Variants in MIA2 observed in about 807,000 individuals in gnomAD.
MIA2 encodes melanoma inhibitory activity protein 2.
Under a neutral mutation model 167.8 loss-of-function variants are expected in MIA2, and 127 were observed. The observed-to-expected ratio is 0.76, with a 90% CI of 0.66 to 0.88. The LOEUF is 0.88. Among genes scored for constraint, MIA2 ranks in the 40% least tolerant of loss-of-function variants. The pLI is 0.00. For missense variants in MIA2, 1,690 were observed against 1,624.7 expected (o/e 1.04, Z -0.69); for synonymous variants, 552 against 541.9 (o/e 1.02, Z -0.26).
chr14:39,286,694 T>C lies in MIA2; in HGVS notation c.2131-4325T>C, dbSNP rs1458122524. On this transcript the variant is annotated intron_variant, in intron 9 of 28. Transcript: ENST00000640607. ...CCTTATCCTTCTCTTCCTTCCTTCT[T>C]ACTTTTTTTTTTTTTTTGAGACAGG... is the stretch of plus-strand genomic sequence containing the variant. Among the ~76,000 whole-genome samples the C allele has an allele frequency of 9.2e-5, 4 of 43,504 alleles. No individual in the cohort carries two copies. The East Asian group carries it at 4.5e-3, about 49-fold the overall frequency. The allele number at this position is 43,504 out of a possible 152,430, so 28.5% of individuals were successfully genotyped here.
intron 10 of MIA2, among the ~76,000 whole-genome samples, chr14:39,291,961 C>T (rs2060797463): frequency 1.3e-5 from 2 of 152,142 alleles, no homozygotes; most frequent in African/African-American, 4.8e-5. Flanking sequence ...CTTTGATAAG[C>T]GTCTAGTACA....
intron 23 of MIA2, among the ~76,000 whole-genome samples, chr14:39,384,949 T>A (rs936529849): frequency 7.9e-5 from 12 of 152,216 alleles, no homozygotes; most frequent in Non-Finnish European, 2.9e-5. Context: ...ATAAAATACT[T>A]GAAATTTATG....
chr14:39,291,358 A>G (rs1294404016), intron 10 of MIA2, among the ~76,000 whole-genome samples: 1 of 152,242 alleles, frequency 6.6e-6, no homozygotes, highest in Non-Finnish European at 1.5e-5. Flanking sequence ...CAGGAGCTGT[A>G]TAGAAACTTC....
intron 25 of MIA2, among the ~76,000 whole-genome samples, chr14:39,332,770 G>A (rs10148740): frequency 0.34 from 51,757 of 151,462 alleles, 9,799 homozygotes; most frequent in African/African-American, 0.5. Context: ...ACCAGTCCCA[G>A]TGAGATGAAC....
chr14:39,374,262 T>C (rs1394307804), intron 23 of MIA2, among the ~76,000 whole-genome samples: 1 of 152,110 alleles, frequency 6.6e-6, no homozygotes, highest in Non-Finnish European at 1.5e-5. Flanking sequence ...CCAAAGCAGA[T>C]AAATAAAAGT....
chr14:39,262,857 A>G (rs2055191301), intron 6 of MIA2, among the ~76,000 whole-genome samples: 1 of 152,092 alleles, frequency 6.6e-6, no homozygotes, highest in Non-Finnish European at 1.5e-5. Flanking sequence ...ATTTTTGCAC[A>G]TTGATTTTGT....
intron 6 of MIA2, chr14:39,266,318 C>T: frequency 3.0e-6 from 3 of 985,386 alleles, no homozygotes; most frequent in Non-Finnish European, 2.4e-6. Flanking sequence ...CTCCTACGAA[C>T]AAATCCAGCA....
At chr14:39,285,570 A>C (rs10141348) in intron 9 of MIA2, among the ~76,000 whole-genome samples, 2 of 52,330 alleles carry the variant, frequency 3.8e-5, no homozygotes, top group African/African-American at 6.8e-5. Context: ...GCGGGGGCTG[A>C]CCCCCCGACC....
chr14:39,333,433 A>G (rs1437761175), intron 25 of MIA2, among the ~76,000 whole-genome samples: 1 of 152,220 alleles, frequency 6.6e-6, no homozygotes, highest in East Asian at 1.9e-4. Context: ...CTCTGGAGTC[A>G]GCCATAGACT....
intron 17 of MIA2, among the ~76,000 whole-genome samples, chr14:39,308,037 G>C (rs936482055): frequency 1.3e-5 from 2 of 152,172 alleles, no homozygotes; most frequent in African/African-American, 4.8e-5. Context: ...GCACTGTAGA[G>C]TGGTTAGTTA....
Position 39,277,171 on chromosome 14 carries a change from A to AT in MIA2, c.2019+107dup, listed in dbSNP as rs539741772. 1,902 of 1,395,454 alleles carry AT rather than the reference A, an allele frequency of 1.4e-3. 13 individuals carry two copies. The African/African-American group carries it at 0.022, about 16-fold the overall frequency. 86.4% of individuals were successfully genotyped at this position (1,395,454 alleles called of 1,614,324 possible). On this transcript the variant is annotated intron_variant, in intron 7 of 28. Transcript: ENST00000640607. ...TTTAAGTAAACAAGTTAGAAACTAC[A>AT]TAGGGATTCAGAGGTTTTTGTTTTT...
intron 23 of MIA2, among the ~76,000 whole-genome samples, chr14:39,377,479 T>G (rs2075067305): frequency 1.3e-5 from 2 of 152,206 alleles, no homozygotes; most frequent in Non-Finnish European, 2.9e-5. Flanking sequence ...GAAAAGAAAT[T>G]GAAAACATTA....
At position 39,234,240 on chromosome 14, in the gene MIA2, T is replaced by G. The variant is rs781592451; in HGVS notation, c.115+11T>G. On this transcript the variant is annotated intron_variant, in intron 1 of 28. Transcript: ENST00000640607. ...ACTTGGAATGTGAAGGTAAGTTTGC[T>G]TCCCCCGCTTCTTCTCCTCCTAAAT... 6.5e-7 allele frequency: 1 copy of G among 1,532,788 alleles called. No individual in the cohort carries two copies. The allele number at this position is 1,532,788 out of a possible 1,614,324, so 94.9% of individuals were successfully genotyped here.
At chr14:39,296,720 G>T (rs1199241025) in intron 13 of MIA2, among the ~76,000 whole-genome samples, 2 of 149,990 alleles carry the variant, frequency 1.3e-5, no homozygotes, top group Non-Finnish European at 3.0e-5. Context: ...GTGCCATGCT[G>T]GTGCGCTGCA....
intron 6 of MIA2, among the ~76,000 whole-genome samples, chr14:39,271,840 G>C (rs1471744252): frequency 2.0e-5 from 3 of 151,966 alleles, no homozygotes; most frequent in Admixed American, 2.0e-4. Context: ...GGACCCCAGA[G>C]AGTGAGTGGA....
At position 39,349,028 on chromosome 14, in the gene MIA2, C is replaced by T. The variant is rs370162387; in HGVS notation, c.4072+51C>T. The T allele has an allele frequency of 3.9e-5, 61 of 1,562,024 alleles. No individual in the cohort carries two copies. The African/African-American group carries it at 4.0e-4, about 10-fold the overall frequency. On this transcript the variant is annotated intron_variant, in intron 28 of 28. Transcript: ENST00000640607. The stretch of plus-strand genomic sequence containing the variant: ...AAAGCTCAATATGTGGTTTATTAAT[C>T]GGAGATTTAATTTTACTATCTGTTA...
Position 39,373,021 on chromosome 14 carries a change from T to C in MIA2, c.2249-13864T>C, listed in dbSNP as rs564490996. ...GAAATTTACCCCAAGACAGAAGAGT[T>C]AGAGCCGTCCCTAGCACAAAGACAA... On this transcript the variant is annotated intron_variant, in intron 23 of 23. Transcript: ENST00000341502. Among the ~76,000 whole-genome samples the C allele has an allele frequency of 1.8e-3, 269 of 152,296 alleles. 1 individual carries two copies. Among genetic ancestry groups the C allele is most frequent in the Non-Finnish European group, 1.6e-3 (108 of 68,022 alleles).
At chr14:39,264,755 T>G (rs2152664214) in intron 6 of MIA2, among the ~76,000 whole-genome samples, 1 of 152,354 alleles carries the variant, frequency 6.6e-6, no homozygotes, top group Non-Finnish European at 1.5e-5. Flanking sequence ...ACTGCCTGTT[T>G]AATTAAAAGG....
intron 7 of MIA2, 111 bp from the exon 8 acceptor site, chr14:39,279,226 A>G: frequency 5.9e-6 from 5 of 852,504 alleles, no homozygotes; most frequent in Non-Finnish European, 9.4e-6. Context: ...TTGTATTTAT[A>G]CAAAGGCAAT....
Sources: gnomAD v4.1 joint callset for allele counts (sites outside exome capture counted in the v4.1 genomes callset) on GRCh38, gnomAD v4.1.1 for gene constraint, MANE v1.5 for transcripts, NCBI Gene and HGNC (gene_info 2026-07-23, HGNC 2026-07-21) for gene names.